The following THSD7B variants were observed in gnomAD, a reference collection of about 807,000 sequenced individuals.
THSD7B encodes the protein thrombospondin type 1 domain containing 7B.
A neutral mutation model predicts 213.6 loss-of-function variants in THSD7B; 138 were observed. The ratio of observed to expected loss-of-function variants is 0.65; its 90% CI spans 0.56 to 0.74. The LOEUF is 0.74. THSD7B is among the 30% of genes least tolerant of loss of function. The pLI, the probability that THSD7B is intolerant of heterozygous loss-of-function variation, is 0.00. For missense variants in THSD7B, 1,931 were observed against 1,991.5 expected, an observed-to-expected ratio of 0.97 and a Z score of 0.58; for synonymous variants, 742 against 687.0, an observed-to-expected ratio of 1.08 and a Z score of -1.25.
At chr2:136,772,326 C>T (rs1195705640) in intron 1 of THSD7B, among the ~76,000 whole-genome samples, 1 of 152,120 alleles carries the variant, frequency 6.6e-6, no homozygotes, top group Non-Finnish European at 1.5e-5. Context: ...TGAATTACTT[C>T]TACCTGGAGG....
At chr2:137,276,483 T>TACTCATCATATATCTTACATGTC (rs1682875453) in intron 12 of THSD7B, among the ~76,000 whole-genome samples, 2 of 152,142 alleles carry the variant, frequency 1.3e-5, no homozygotes, top group African/African-American at 4.8e-5. Flanking sequence ...GTCATATACA[T>TACTCATCATATATCTTACATGTC]ACTCATCATA....
chr2:137,667,710 C>G, intron 26 of THSD7B, 64 bp from the exon 27 acceptor site: 3 of 1,351,928 alleles, frequency 2.2e-6, no homozygotes, highest in Non-Finnish European at 3.1e-6. Flanking sequence ...TGATGTTGCC[C>G]TATCTCTCAA....
intron 7 of THSD7B, among the ~76,000 whole-genome samples, chr2:137,198,368 T>C (rs1005362633): frequency 2.0e-5 from 3 of 152,158 alleles, no homozygotes; most frequent in African/African-American, 7.2e-5. Context: ...TAGAGGTAGA[T>C]CCTGACACTG....
chr2:136,837,759 G>A (rs1001170908), intron 1 of THSD7B, among the ~76,000 whole-genome samples: 1 of 151,994 alleles, frequency 6.6e-6, no homozygotes, highest in African/African-American at 2.4e-5. Flanking sequence ...TTTTTTCCTT[G>A]ATATCCTTAC....
At chr2:137,243,763 A>G (rs1681965317) in intron 10 of THSD7B, among the ~76,000 whole-genome samples, 1 of 152,236 alleles carries the variant, frequency 6.6e-6, no homozygotes, top group Non-Finnish European at 1.5e-5. Flanking sequence ...GAAAATTATC[A>G]TCTTTGTATT....
chr2:137,128,638 A>G (rs756893000), intron 5 of THSD7B, among the ~76,000 whole-genome samples: 5 of 152,208 alleles, frequency 3.3e-5, no homozygotes, highest in East Asian at 1.9e-4. Context: ...TGAGTTCTCA[A>G]TGTTTGTCAG....
chr2:136,882,089 T>G, intron 1 of THSD7B, 55 bp from the exon 2 acceptor site: 2 of 1,326,954 alleles, frequency 1.5e-6, no homozygotes, highest in Non-Finnish European at 2.0e-6. Context: ...TCAAAATGAG[T>G]TGTTATCTTT....
intron 1 of THSD7B, among the ~76,000 whole-genome samples, chr2:136,766,388 C>A (rs1293197346): frequency 7.0e-6 from 1 of 142,366 alleles, no homozygotes; most frequent in Non-Finnish European, 1.5e-5. Flanking sequence ...AAACTGGGAA[C>A]GGGGCTTGAG....
chr2:137,231,354 T>A (rs558541957), intron 8 of THSD7B, 119 bp downstream of exon 8: 1 of 986,000 alleles, frequency 1.0e-6, no homozygotes, highest in African/African-American at 1.6e-5. Context: ...ATATCTCTAT[T>A]CCCTGAATCC....
chr2:137,406,023 G>T (rs1686510020), intron 13 of THSD7B, among the ~76,000 whole-genome samples: 1 of 152,118 alleles, frequency 6.6e-6, no homozygotes, highest in African/African-American at 2.4e-5. Flanking sequence ...CTGTTTTATA[G>T]CTATCAAGTT....
At chr2:137,272,691 T>A in intron 11 of THSD7B, 29 bp downstream of exon 11, 1 of 1,603,086 alleles carries the variant, frequency 6.2e-7, no homozygotes, top group Non-Finnish European at 8.5e-7. Flanking sequence ...AAATTATCGT[T>A]AGACCTACTG....
At chr2:137,251,261 A>G (rs1343421874) in intron 10 of THSD7B, among the ~76,000 whole-genome samples, 2 of 152,202 alleles carry the variant, frequency 1.3e-5, no homozygotes, top group African/African-American at 2.4e-5. Flanking sequence ...CGTTGGCCAC[A>G]GAGTGTGTGA....
intron 15 of THSD7B, among the ~76,000 whole-genome samples, chr2:137,454,482 G>A (rs529453172): frequency 1.3e-5 from 2 of 151,728 alleles, no homozygotes; most frequent in East Asian, 3.9e-4. Context: ...ATCTATGTGT[G>A]TGTGTGTGTA....
chr2:137,109,988 C>T (rs1688319375), intron 4 of THSD7B, among the ~76,000 whole-genome samples: 1 of 152,300 alleles, frequency 6.6e-6, no homozygotes, highest in African/African-American at 2.4e-5. Context: ...CTCTGCCTCC[C>T]TGGGGACTTT....
chr2:137,299,754 A>G (rs964331269), intron 12 of THSD7B, among the ~76,000 whole-genome samples: 2 of 152,178 alleles, frequency 1.3e-5, no homozygotes, highest in Non-Finnish European at 2.9e-5. Context: ...AACATTATAC[A>G]TAGTTTTAAC....
chr2:137,010,311 C>G lies in THSD7B; in HGVS notation c.140-46109C>G, dbSNP rs191285490. On this transcript the variant is annotated intron_variant, in intron 2 of 27. Coordinates refer to ENST00000409968, the MANE Select transcript of THSD7B (RefSeq NM_001316349.2). ...TCCAAAATAGTAACACTATATTAAT[C>G]TTCATATCTAAGCAGTCTGTATAAA... 6.6e-4 allele frequency among the ~76,000 whole-genome samples: 101 copies of G among 152,300 alleles called. No homozygotes were observed. In the Middle Eastern group the frequency reaches 0.034, roughly 51 times the overall value.
chr2:136,983,523 G>A (rs1436726647), intron 2 of THSD7B, among the ~76,000 whole-genome samples: 1 of 150,540 alleles, frequency 6.6e-6, no homozygotes, highest in African/African-American at 2.4e-5. Context: ...TTTTTCTGAG[G>A]AGTATCCTTA....
chr2:137,034,904 G>A (rs1227377354), intron 2 of THSD7B, among the ~76,000 whole-genome samples: 2 of 152,140 alleles, frequency 1.3e-5, no homozygotes. Context: ...AAACATACAT[G>A]TGCATGTGTC....
chr2:136,923,811 T>A (rs1236497077), intron 2 of THSD7B, among the ~76,000 whole-genome samples: 2 of 152,158 alleles, frequency 1.3e-5, no homozygotes, highest in African/African-American at 4.8e-5. Flanking sequence ...TTTTTGTTAT[T>A]GTTATCGTGT....
Sources: allele counts gnomAD v4.1 joint callset (sites outside exome capture counted in the v4.1 genomes callset), GRCh38; gene constraint gnomAD v4.1.1; transcripts MANE v1.5; gene names NCBI Gene and HGNC (gene_info 2026-07-23, HGNC 2026-07-21).